FAP: variants seen among roughly 807,000 people sequenced by gnomAD.
FAP encodes the protein prolyl endopeptidase FAP.
A neutral mutation model predicts 126.5 loss-of-function variants in FAP; 110 were observed. The observed-to-expected ratio is 0.87, with a 90% confidence interval of 0.74 to 1.02. FAP has a LOEUF of 1.02. FAP is among the 50% of genes least tolerant of loss of function. FAP has a pLI of 0.00. For synonymous variants in FAP, 334 were observed against 297.3 expected (o/e 1.12, Z -1.27); for missense variants, 919 against 909.2 (o/e 1.01, Z -0.14).
intron 2 of FAP, among the ~76,000 whole-genome samples, chr2:162,228,824 C>T (rs1327569586): frequency 6.6e-6 from 1 of 152,094 alleles, no homozygotes; most frequent in Non-Finnish European, 1.5e-5. Context: ...TTTAATTCAA[C>T]TTTATTTAAC....
intron 11 of FAP, among the ~76,000 whole-genome samples, chr2:162,210,947 A>T (rs10490425): frequency 0.031 from 4,721 of 152,308 alleles, 435 homozygotes; most frequent in Admixed American, 0.21. Flanking sequence ...TCTGGTATAG[A>T]TTAAAATTAC....
intron 6 of FAP, among the ~76,000 whole-genome samples, chr2:162,222,937 C>A (rs2106282155): frequency 6.6e-6 from 1 of 152,198 alleles, no homozygotes; most frequent in Non-Finnish European, 1.5e-5. Context: ...TTTACATATT[C>A]TTCTTGCTGC....
Position 162,214,077 on chromosome 2 carries a change from C to G in FAP, c.867-4G>C. ...GAGCCAACTGAAATAATAATCACTG[C>G]AAATAAAATAGAAACAGGTAGTCAC... On this transcript the variant is annotated splice_region_variant and splice_polypyrimidine_tract_variant and intron_variant, in intron 10 of 25. Transcript: ENST00000188790. 6.2e-7 allele frequency: 1 copy of G among 1,612,944 alleles called. No individual in the cohort carries two copies. Among genetic ancestry groups the G allele is most frequent in the South Asian group, 1.1e-5 (1 of 90,832 alleles).
intron 21 of FAP, among the ~76,000 whole-genome samples, chr2:162,179,357 G>C (rs1481008851): frequency 6.6e-6 from 1 of 150,824 alleles, no homozygotes; most frequent in East Asian, 2.0e-4. Flanking sequence ...AAAATCTCCT[G>C]GTACTAGTGG....
chr2:162,189,694 G>A lies in FAP; in HGVS notation c.1511C>T (p.Pro504Leu), dbSNP rs764847122. 1.9e-6 allele frequency: 3 copies of A among 1,590,252 alleles called. No individual in the cohort carries two copies. The highest frequency in any genetic ancestry group is 2.6e-6 in the Non-Finnish European group (3 of 1,166,154). Residue 504 changes from proline to leucine, a missense_variant, in exon 18 of 26, where the codon CCT becomes CTT. Transcript: ENST00000188790. ...LENALKNIQL[P>L]KEEIKKLEVD... Reference sequence around the variant, plus strand: ...TTCAAGTTTCTTAATTTCCTCTTTAGGCAGCTGGATATTTTTCAAAGCATT... The same window carrying A: ...TTCAAGTTTCTTAATTTCCTCTTTAAGCAGCTGGATATTTTTCAAAGCATT...
At chr2:162,182,709 T>C (rs1407008722) in intron 21 of FAP, among the ~76,000 whole-genome samples, 1 of 152,212 alleles carries the variant, frequency 6.6e-6, no homozygotes, top group African/African-American at 2.4e-5. Flanking sequence ...AAATCTTCTT[T>C]GAAGGGTAAT....
chr2:162,172,654 G>T, intron 25 of FAP, 157 bp downstream of exon 25: 2 of 584,048 alleles, frequency 3.4e-6, no homozygotes, highest in South Asian at 4.5e-5. Context: ...AGTAGTTAAA[G>T]AAAGATCCAA....
At chr2:162,223,397 TA>T (rs1689498182) in intron 6 of FAP, among the ~76,000 whole-genome samples, 1 of 152,150 alleles carries the variant, frequency 6.6e-6, no homozygotes, top group South Asian at 2.1e-4. Flanking sequence ...AATAAAAATA[TA>T]AAATATTAGT....
At chr2:162,205,688 T>G (rs984377093) in intron 12 of FAP, among the ~76,000 whole-genome samples, 11 of 152,048 alleles carry the variant, frequency 7.2e-5, no homozygotes, top group African/African-American at 2.7e-4. Flanking sequence ...TAGTTTTATA[T>G]TTTTAGTAGA....
At chr2:162,171,451 C>T (rs929570235) in intron 25 of FAP, 8 of 171,742 alleles carry the variant, frequency 4.7e-5, no homozygotes, top group East Asian at 1.5e-4. Flanking sequence ...AGTTGATTTT[C>T]CCTAAGATTC....
chr2:162,185,814 CA>C (rs1687851057), intron 20 of FAP, among the ~76,000 whole-genome samples: 6 of 152,078 alleles, frequency 3.9e-5, no homozygotes, highest in Admixed American at 3.9e-4. Flanking sequence ...TTCCCCAGGT[CA>C]GGCATTTAGT....
At chr2:162,206,288 C>T (rs750795854) in intron 12 of FAP, among the ~76,000 whole-genome samples, 7 of 152,180 alleles carry the variant, frequency 4.6e-5, no homozygotes, top group Non-Finnish European at 7.3e-5. Context: ...CCAAGTTGTC[C>T]TCAGTTTTAA....
chr2:162,203,170 G>A (rs1559775981), intron 12 of FAP, 25 bp from the exon 13 acceptor site: 3 of 1,501,110 alleles, frequency 2.0e-6, no homozygotes. Context: ...CAGAGGTTAT[G>A]TTCAAAAGAC....
rs1689122344 is a variant in FAP, at chr2:162,215,376, A to G, written c.866+522T>C. Among the ~76,000 whole-genome samples the G allele has an allele frequency of 2.0e-5, 3 of 152,212 alleles. No individual in the cohort carries two copies. The South Asian group carries it at 6.2e-4, about 32-fold the overall frequency. ...TCACTGTATTCTGGACTAGTCAGAC[A>G]ATCAGACATAGGGCATCATGCTGGG... On this transcript the variant is annotated intron_variant, in intron 10 of 25. Transcript: ENST00000188790.
chr2:162,174,977 A>G lies in FAP; in HGVS notation c.1870-11T>C, dbSNP rs1293915785. On this transcript the variant is annotated splice_polypyrimidine_tract_variant and intron_variant, in intron 21 of 25. Coordinates refer to ENST00000188790, the MANE Select transcript of FAP (RefSeq NM_004460.5). ...GTATCCTCCATAGGACTGTAGAGAC[A>G]TTGTTATGAGTCAGACTCAGATTTA... 2 of 1,578,838 alleles carry G rather than the reference A, an allele frequency of 1.3e-6. No individual in the cohort carries two copies. The highest frequency in any genetic ancestry group is 2.2e-5 in the East Asian group (1 of 44,596).
At chr2:162,216,413 A>C (rs1689163199) in intron 9 of FAP, among the ~76,000 whole-genome samples, 1 of 152,208 alleles carries the variant, frequency 6.6e-6, no homozygotes, top group Non-Finnish European at 1.5e-5. Context: ...AATGGAAAGA[A>C]AAATAAATGA....
chr2:162,213,937 C>T lies in FAP; in HGVS notation c.1002+1G>A, dbSNP rs1396458679. 7 of 1,613,090 alleles carry T rather than the reference C, an allele frequency of 4.3e-6. No homozygotes were observed. The highest frequency in any genetic ancestry group is 5.9e-6 in the Non-Finnish European group (7 of 1,179,534). On this transcript the variant is annotated splice_donor_variant, in intron 11 of 25. Coordinates refer to ENST00000188790, the MANE Select transcript of FAP (RefSeq NM_004460.5). LOFTEE classifies it high-confidence loss of function. ...GTATCTGTGATCTTAATATACCCTA[C>T]CTTTGGACAATCCCATGTCTGCCAG... is the stretch of plus-strand genomic sequence containing the variant.
intron 2 of FAP, among the ~76,000 whole-genome samples, chr2:162,237,703 T>G (rs1345561004): frequency 6.6e-6 from 1 of 152,240 alleles, no homozygotes; most frequent in Non-Finnish European, 1.5e-5. Context: ...TTATAATCCT[T>G]TGGGGATATA....
chr2:162,233,225 C>G (rs1485072451), intron 2 of FAP, among the ~76,000 whole-genome samples: 1 of 152,166 alleles, frequency 6.6e-6, no homozygotes, highest in Non-Finnish European at 1.5e-5. Flanking sequence ...CCAAATTTCT[C>G]CAAGTAAATG....
Sources: allele counts gnomAD v4.1 joint callset (sites outside exome capture counted in the v4.1 genomes callset), GRCh38; gene constraint gnomAD v4.1.1; transcripts MANE v1.5; gene names NCBI Gene and HGNC (gene_info 2026-07-23, HGNC 2026-07-21).